Variants in FAM174C observed in about 807,000 individuals in gnomAD.
The protein encoded by FAM174C is protein FAM174C.
FAM174C carries 19 observed loss-of-function variants against 12.3 expected under a neutral mutation model. The observed-to-expected ratio is 1.55, with a 90% CI of 1.08 to 2.27. The LOEUF is 2.27. Ranked by LOEUF, FAM174C falls within the 30% of genes most tolerant of loss-of-function variation. The probability of loss-of-function intolerance (pLI) is 0.00; values close to 1 mark genes in which losing one functional copy is unlikely to be tolerated. For synonymous variants in FAM174C, 147 were observed against 103.5 expected (o/e 1.42, Z -2.55); for missense variants, 239 against 190.2 (o/e 1.26, Z -1.51).
rs2081419963 is a variant in FAM174C, at chr19:1,277,285, C to A, written c.384C>A (p.Ser128=). Residue 128 remains serine, a synonymous_variant, in exon 2 of 3, where the codon TCC becomes TCA. Coordinates refer to ENST00000409293, the MANE Select transcript of FAM174C (RefSeq NM_017914.4). ...LDSDEETVFE[S]RNLR The stretch of plus-strand genomic sequence containing the variant: ...GCGACGAGGAGACGGTGTTTGAGTC[C>A]CGGAATCTGAGATGGTGTGCACCCT... The A allele has an allele frequency of 6.5e-7, 1 of 1,547,728 alleles. No individual in the cohort carries two copies. The highest frequency in any genetic ancestry group is 8.7e-7 in the Non-Finnish European group (1 of 1,144,406).
Position 1,278,981 on chromosome 19 carries a change from A to G in FAM174C, c.*204A>G. The G allele has an allele frequency of 6.2e-7, 1 of 1,612,458 alleles. No homozygotes were observed. Among genetic ancestry groups the G allele is most frequent in the South Asian group, 1.1e-5 (1 of 91,090 alleles). ...TGCCACCTGCACCCACCGCTGGACC[A>G]TGCAGCCTCGCCTCCTGGATGCTGT... On this transcript the variant is annotated 3_prime_UTR_variant, in exon 3 of 3. Coordinates refer to ENST00000409293, the MANE Select transcript of FAM174C (RefSeq NM_017914.4).
At chr19:1,276,012 A>T in intron 1 of FAM174C, 182 bp downstream of exon 1, 1 of 597,668 alleles carries the variant, frequency 1.7e-6, no homozygotes, top group Non-Finnish European at 2.8e-6. Flanking sequence ...TGCAGGGGCC[A>T]CGGGACTCAC....
intron 1 of FAM174C, 111 bp from the exon 2 acceptor site, chr19:1,277,072 T>C: frequency 7.1e-7 from 1 of 1,405,274 alleles, no homozygotes; most frequent in Non-Finnish European, 9.4e-7. Context: ...ACCAGGGAGG[T>C]CTGCAGCAGG....
Position 1,275,661 on chromosome 19 carries a change from A to C in FAM174C, c.112A>C (p.Thr38Pro). Residue 38 changes from threonine to proline, a missense_variant, in exon 1 of 3, where the codon ACG becomes CCG. By Grantham distance (38) the Thr-to-Pro change is conservative (BLOSUM62 -1). Transcript: ENST00000409293. ...CTCGCCGCTGCGCCCCGCGCAGGTC[A>C]CGTTGTCGCCGCCGCCGGCCGTGAC... ...EASPLRPAQV[T>P]LSPPPAVTNG... 1 of 1,427,172 alleles carries C rather than the reference A, an allele frequency of 7.0e-7. No homozygotes were observed. Among genetic ancestry groups the C allele is most frequent in the Non-Finnish European group, 9.1e-7 (1 of 1,103,492 alleles). The allele number at this position is 1,427,172 out of a possible 1,614,324, so 88.4% of individuals were successfully genotyped here.
In FAM174C at chr19:1,278,629, G is replaced by A. The variant is rs538419536; in HGVS notation, c.*-148G>A. Reference sequence around the variant, plus strand: ...GCAGTTGCACAGGGCCCAGGAGGCCGGGGAGGGAGGCCAGTGGGGGGAGGC... The same window carrying A: ...GCAGTTGCACAGGGCCCAGGAGGCCAGGGAGGGAGGCCAGTGGGGGGAGGC... On this transcript the variant is annotated intron_variant, in intron 2 of 2. Coordinates refer to ENST00000409293, the MANE Select transcript of FAM174C (RefSeq NM_017914.4). 1.7e-4 allele frequency: 243 copies of A among 1,466,294 alleles called. No homozygotes were observed. The African/African-American group carries it at 2.8e-3, about 17-fold the overall frequency. 90.8% of individuals were successfully genotyped at this position (1,466,294 alleles called of 1,614,324 possible). A position where few individuals can be genotyped will look rare whatever the true frequency, so the allele number is the denominator to read the frequency against.
chr19:1,278,201 G>T (rs1254078761), intron 2 of FAM174C, among the ~76,000 whole-genome samples: 2 of 152,284 alleles, frequency 1.3e-5, no homozygotes, highest in Admixed American at 1.3e-4. Flanking sequence ...TTCTGAGCGG[G>T]CGGGGTCAGG....
Position 1,275,785 on chromosome 19 carries a change from G to A in FAM174C, c.236G>A (p.Gly79Asp), listed in dbSNP as rs1353693931. ...ALTRSFYVIL[G>D]FCGLTALYFL... ...ACGCGCTCCTTCTACGTGATCCTGG[G>A]CTTCTGCGGCCTGACCGCGCTCTAC... Residue 79 changes from glycine to aspartate, a missense_variant, in exon 1 of 3, where the codon GGC becomes GAC. By Grantham distance (94) the Gly-to-Asp change is moderately conservative (BLOSUM62 -1). Coordinates refer to ENST00000409293, the MANE Select transcript of FAM174C (RefSeq NM_017914.4). 2 of 1,539,376 alleles carry A rather than the reference G, an allele frequency of 1.3e-6. No individual in the cohort carries two copies. Among genetic ancestry groups the A allele is most frequent in the Non-Finnish European group, 1.7e-6 (2 of 1,146,386 alleles).
chr19:1,277,025 T>G, intron 1 of FAM174C, 158 bp from the exon 2 acceptor site: 1 of 1,153,422 alleles, frequency 8.7e-7, no homozygotes, highest in Non-Finnish European at 1.2e-6. Context: ...TGGTAATCAC[T>G]TGGCGATTAG....
Position 1,275,917 on chromosome 19 carries a change from C to CCCCTCCCT in FAM174C, c.281+105_281+112dup, listed in dbSNP as rs370611692. 297 of 1,142,740 alleles carry CCCCTCCCT rather than the reference C, an allele frequency of 2.6e-4. 1 individual carries two copies. Among genetic ancestry groups the CCCCTCCCT allele is most frequent in the South Asian group, 2.5e-3 (181 of 73,234 alleles). The allele number at this position is 1,142,740 out of a possible 1,614,324, so 70.8% of individuals were successfully genotyped here. ...GTCACGTGCCGGGCCGCGGGGTCCTCCCCTCCCTCCCTCCCTCCCTCCCTC... is the reference window on the plus strand; with the variant it reads ...GTCACGTGCCGGGCCGCGGGGTCCTCCCCTCCCTCCCTCCCTCCCTCCCTCCCTCCCTC... On this transcript the variant is annotated intron_variant, in intron 1 of 2. Coordinates refer to ENST00000409293, the MANE Select transcript of FAM174C (RefSeq NM_017914.4).
chr19:1,278,752 C>T (rs578136509), intron 2 of FAM174C, 25 bp from the exon 3 acceptor site: 14 of 1,611,616 alleles, frequency 8.7e-6, no homozygotes, highest in Middle Eastern at 1.9e-4. Flanking sequence ...CTCCTTCCCT[C>T]TCACCCTTGA....
chr19:1,278,424 G>C (rs563796601), intron 2 of FAM174C, among the ~76,000 whole-genome samples: 1 of 152,206 alleles, frequency 6.6e-6, no homozygotes, highest in South Asian at 2.1e-4. Context: ...GGCCTGTTGG[G>C]GGGTGGCAGG....
At position 1,275,561 on chromosome 19, in the gene FAM174C, C is replaced by A. The variant is rs1236258189; in HGVS notation, c.12C>A (p.Arg4=). 2 of 1,217,382 alleles carry A rather than the reference C, an allele frequency of 1.6e-6. No homozygotes were observed. The highest frequency in any genetic ancestry group is 2.0e-6 in the Non-Finnish European group (2 of 979,672). The allele number at this position is 1,217,382 out of a possible 1,614,324, so 75.4% of individuals were successfully genotyped here. A position where few individuals can be genotyped will look rare whatever the true frequency, so the allele number is the denominator to read the frequency against. ...GCTTCCGCCGGGCCATGGGGCCGCG[C>A]GTGCTGCAGCCGCCGCTGCTGCTGC... MGP[R]VLQPPLLLLL... Residue 4 remains arginine (R), a synonymous_variant, in exon 1 of 3, where the codon CGC becomes CGA. Transcript: ENST00000409293.
At chr19:1,277,634 C>A (rs1346625868) in intron 2 of FAM174C, among the ~76,000 whole-genome samples, 2 of 152,140 alleles carry the variant, frequency 1.3e-5, no homozygotes, top group Non-Finnish European at 2.9e-5. Context: ...CCACGCCTCG[C>A]TAATTTTTTG....
intron 2 of FAM174C, among the ~76,000 whole-genome samples, 183 bp from the exon 3 acceptor site, chr19:1,278,594 C>A (rs546842006): frequency 3.4e-4 from 42 of 122,870 alleles, no homozygotes; most frequent in African/African-American, 1.2e-3. Context: ...GGCCCCTTCC[C>A]CCGGAGTGGG....
Position 1,278,882 on chromosome 19 carries a change from C to T in FAM174C, c.*105C>T. On this transcript the variant is annotated 3_prime_UTR_variant, in exon 3 of 3. Transcript: ENST00000409293. ...CCCTGCTCCACCGCTCATTCCCCTG[C>T]TGGCCCCGGGGCTGGTCTCACCCAG... The T allele has an allele frequency of 6.2e-7, 1 of 1,613,118 alleles. No individual in the cohort carries two copies. Among genetic ancestry groups the T allele is most frequent in the Non-Finnish European group, 8.5e-7 (1 of 1,179,848 alleles).
intron 1 of FAM174C, chr19:1,276,727 C>A (rs908829697): frequency 1.3e-5 from 2 of 155,470 alleles, no homozygotes; most frequent in South Asian, 3.7e-4. Context: ...GCAGAGCCTC[C>A]CCTGTGCTCC....
intron 2 of FAM174C, 135 bp from the exon 3 acceptor site, chr19:1,278,642 A>G: frequency 4.0e-6 from 6 of 1,491,964 alleles, no homozygotes; most frequent in Non-Finnish European, 5.4e-6. Context: ...GAGGGAGGCC[A>G]GTGGGGGGAG....
chr19:1,275,620 G>A lies in FAM174C; in HGVS notation c.71G>A (p.Cys24Tyr). Reference sequence around the variant, plus strand: ...GCGCTGCTGCTGGCGGCGCTGCCGTGCGGTGCCGAAGAGGCCTCGCCGCTG... The same window carrying A: ...GCGCTGCTGCTGGCGGCGCTGCCGTACGGTGCCGAAGAGGCCTCGCCGCTG... Reference protein sequence around the residue: ...LLALLLAALPCGAEEASPLRP... With the variant: ...LLALLLAALPYGAEEASPLRP... The change falls in exon 1 of 3, where the codon TGC becomes TAC. Residue 24 changes from cysteine (C) to tyrosine (Y), a missense_variant. Transcript: ENST00000409293. 2.3e-6 allele frequency: 3 copies of A among 1,298,990 alleles called. No individual in the cohort carries two copies. The highest frequency in any genetic ancestry group is 2.9e-6 in the Non-Finnish European group (3 of 1,028,650). The allele number at this position is 1,298,990 out of a possible 1,614,324, so 80.5% of individuals were successfully genotyped here.
intron 2 of FAM174C, among the ~76,000 whole-genome samples, chr19:1,278,525 C>T (rs1020329813): frequency 5.3e-5 from 8 of 152,088 alleles, no homozygotes; most frequent in African/African-American, 1.2e-4. Context: ...GGGATCCCTC[C>T]GCATGCTCTG....
Sources: gnomAD v4.1 joint callset for allele counts (sites outside exome capture counted in the v4.1 genomes callset) on GRCh38, gnomAD v4.1.1 for gene constraint, MANE v1.5 for transcripts, NCBI Gene and HGNC (gene_info 2026-07-23, HGNC 2026-07-21) for gene names.